The following MARCHF1 variants were observed in gnomAD, a reference collection of about 807,000 sequenced individuals.
MARCHF1 encodes membrane associated ring-CH-type finger 1, also known as E3 ubiquitin-protein ligase MARCHF1.
In MARCHF1, 40 loss-of-function variants were observed where a neutral mutation model predicts 54.2. The ratio of observed to expected loss-of-function variants is 0.74; its 90% CI spans 0.57 to 0.96. The LOEUF (loss-of-function observed/expected upper bound fraction) is 0.96. Ranked by LOEUF, MARCHF1 falls within the 40% of genes least tolerant of loss-of-function variation. The pLI is 0.00. For missense variants in MARCHF1, 586 were observed against 656.5 expected (o/e 0.89, Z 1.17); for synonymous variants, 236 against 236.3 (o/e 1.00, Z 0.01).
intron 2 of MARCHF1, among the ~76,000 whole-genome samples, chr4:164,104,655 TATC>T (rs1426404656): frequency 5.7e-5 from 1 of 17,468 alleles, no homozygotes; most frequent in Non-Finnish European, 2.2e-4. Flanking sequence ...CCACAGCCAA[TATC>T]ATACTGAATG....
At chr4:164,309,802 GA>G (rs1316844393) in intron 1 of MARCHF1, among the ~76,000 whole-genome samples, 1 of 152,010 alleles carries the variant, frequency 6.6e-6, no homozygotes, top group African/African-American at 2.4e-5. Flanking sequence ...TAGACAATTG[GA>G]ATTGCTAGGC....
intron 4 of MARCHF1, among the ~76,000 whole-genome samples, chr4:163,719,253 T>G (rs186014922): frequency 6.6e-6 from 1 of 151,762 alleles, no homozygotes; most frequent in African/African-American, 2.4e-5. Context: ...ATTGTTCAAT[T>G]GCCACCTATG....
chr4:163,932,847 A>G, intron 3 of MARCHF1: 1 of 627,460 alleles, frequency 1.6e-6, no homozygotes, highest in South Asian at 1.4e-5. Flanking sequence ...CAATGCAACT[A>G]ATCCAGAGAG....
At chr4:163,782,103 AT>A (rs1273851007) in intron 4 of MARCHF1, among the ~76,000 whole-genome samples, 1 of 120,652 alleles carries the variant, frequency 8.3e-6, no homozygotes, top group Non-Finnish European at 1.8e-5. Flanking sequence ...TGAGGGATAT[AT>A]TTAACTGCCC....
rs144662982 is a variant in MARCHF1, at chr4:164,235,762, TA to T, written c.-322-124101del. On this transcript the variant is annotated intron_variant, in intron 1 of 9. Coordinates refer to ENST00000514618, the MANE Select transcript of MARCHF1 (RefSeq NM_001394959.1). ...GGAAGAGTGGGAGGGGCCCTGGGGA[TA>T]AAAAAAACCAGTACACATTAGGTAC... Among the ~76,000 whole-genome samples, 256 of 151,630 alleles carry T rather than the reference TA, an allele frequency of 1.7e-3. 2 individuals are homozygous for T. The highest frequency in any genetic ancestry group is 5.6e-3 in the African/African-American group (233 of 41,412).
intron 4 of MARCHF1, among the ~76,000 whole-genome samples, chr4:163,706,492 C>T (rs2111244445): frequency 6.6e-6 from 1 of 151,966 alleles, no homozygotes; most frequent in African/African-American, 2.4e-5. Flanking sequence ...TCCAGAAATG[C>T]AATAACAGAA....
In MARCHF1 at chr4:164,316,246, A is replaced by G. The variant is rs1204399720; in HGVS notation, c.-323+67624T>C. On this transcript the variant is annotated intron_variant, in intron 1 of 9. Transcript: ENST00000514618. ...AAACTAACCTTCCAAACCTAGCATGACATGTCAAAAGTAGCAATGACTTCT... is the reference window on the plus strand; with the variant it reads ...AAACTAACCTTCCAAACCTAGCATGGCATGTCAAAAGTAGCAATGACTTCT... Among the ~76,000 whole-genome samples the G allele has an allele frequency of 2.0e-5, 3 of 152,304 alleles. No homozygotes were observed. The East Asian group carries it at 5.8e-4, about 29-fold the overall frequency.
intron 1 of MARCHF1, among the ~76,000 whole-genome samples, chr4:164,148,764 A>G (rs1011463732): frequency 2.0e-5 from 3 of 151,664 alleles, no homozygotes; most frequent in Non-Finnish European, 4.4e-5. Flanking sequence ...ATTAATTCCT[A>G]TAAGTAATTC....
At chr4:164,096,076 A>G (rs1045985963) in intron 2 of MARCHF1, among the ~76,000 whole-genome samples, 1 of 152,156 alleles carries the variant, frequency 6.6e-6, no homozygotes, top group South Asian at 2.1e-4. Context: ...TACATACCCA[A>G]AGGGAAATAA....
At chr4:164,014,146 C>T (rs28864176) in intron 2 of MARCHF1, among the ~76,000 whole-genome samples, 23,702 of 149,540 alleles carry the variant, frequency 0.16, 1,937 homozygotes, top group South Asian at 0.22. Context: ...GACCCGAGAT[C>T]GCATCACTGC....
rs1738180586 is a variant in MARCHF1 at position 163,527,818 on chromosome 4, T to G, written c.*930A>C. The G allele has an allele frequency of 6.9e-6, 1 of 144,330 alleles. No homozygotes were observed. Among genetic ancestry groups the G allele is most frequent in the African/African-American group, 2.5e-5 (1 of 40,484 alleles). 8.9% of individuals were successfully genotyped at this position (144,330 alleles called of 1,614,324 possible). On this transcript the variant is annotated 3_prime_UTR_variant, in exon 10 of 10. Coordinates refer to ENST00000514618, the MANE Select transcript of MARCHF1 (RefSeq NM_001394959.1). ...TGGTTCAAGAAACAGATGTAAACTATCAATCAATCAATCAATTTTTTATAT... is the reference window on the plus strand; with the variant it reads ...TGGTTCAAGAAACAGATGTAAACTAGCAATCAATCAATCAATTTTTTATAT...
intron 1 of MARCHF1, among the ~76,000 whole-genome samples, chr4:164,376,516 C>T (rs988670001): frequency 5.3e-5 from 8 of 152,098 alleles, no homozygotes; most frequent in African/African-American, 1.9e-4. Context: ...AGTGAGGCAC[C>T]GGGTAAAGTG....
intron 4 of MARCHF1, among the ~76,000 whole-genome samples, chr4:163,741,842 T>G (rs1434656039): frequency 6.6e-6 from 1 of 152,220 alleles, no homozygotes; most frequent in African/African-American, 2.4e-5. Flanking sequence ...CTAGCCATTG[T>G]GAACTGAGGC....
intron 1 of MARCHF1, among the ~76,000 whole-genome samples, chr4:164,195,650 TAA>T (rs962664768): frequency 3.3e-5 from 5 of 152,180 alleles, no homozygotes; most frequent in African/African-American, 1.2e-4. Context: ...TCATGATCTA[TAA>T]AATAAGGGAA....
chr4:164,190,551 G>A (rs1350512566), intron 1 of MARCHF1, among the ~76,000 whole-genome samples: 1 of 151,518 alleles, frequency 6.6e-6, no homozygotes, highest in Non-Finnish European at 1.5e-5. Context: ...ATCTTAAAAA[G>A]TGGGTAAAAA....
rs1418318981 is a variant in MARCHF1, at chr4:164,220,628, TAATA to T, written c.-322-108970_-322-108967del. On this transcript the variant is annotated intron_variant, in intron 1 of 9. Coordinates refer to ENST00000514618, the MANE Select transcript of MARCHF1 (RefSeq NM_001394959.1). ...TATATATGCTATATATGCATATATG[TAATA>T]TATATGCTATATATGCATATATGTA... 3.4e-5 allele frequency among the ~76,000 whole-genome samples: 5 copies of T among 146,054 alleles called. No homozygotes were observed. The Admixed American group carries it at 3.5e-4, about 10-fold the overall frequency.
chr4:163,925,851 T>A (rs966737818), intron 3 of MARCHF1, among the ~76,000 whole-genome samples: 1 of 151,596 alleles, frequency 6.6e-6, no homozygotes, highest in African/African-American at 2.4e-5. Context: ...ATGCATCCTG[T>A]TAATAAAGAA....
chr4:164,066,078 C>T (rs1479416742), intron 2 of MARCHF1, among the ~76,000 whole-genome samples: 1 of 152,110 alleles, frequency 6.6e-6, no homozygotes. Flanking sequence ...TATCTAGGCA[C>T]CCTTCAACCA....
At chr4:163,949,411 G>T (rs886591679) in intron 3 of MARCHF1, among the ~76,000 whole-genome samples, 23 of 152,190 alleles carry the variant, frequency 1.5e-4, no homozygotes, top group African/African-American at 5.5e-4. Context: ...CTAGGGCTGG[G>T]CTCCCCAAAG....
Sources: allele counts gnomAD v4.1 joint callset (sites outside exome capture counted in the v4.1 genomes callset), GRCh38; gene constraint gnomAD v4.1.1; transcripts MANE v1.5; gene names NCBI Gene and HGNC (gene_info 2026-07-23, HGNC 2026-07-21).